The following DOCK1 variants were observed in gnomAD, a reference collection of about 807,000 sequenced individuals.
The protein encoded by DOCK1 is dedicator of cytokinesis 1.
In DOCK1, 138 loss-of-function variants were observed where a neutral mutation model predicts 262.7. The observed-to-expected ratio is 0.53, with a 90% CI of 0.46 to 0.61. DOCK1 has a LOEUF of 0.61. DOCK1 is among the 20% of genes least tolerant of loss of function. The pLI is 0.00. For missense variants in DOCK1, 1,908 were observed against 2,370.7 expected, an observed-to-expected ratio of 0.80 and a Z score of 4.05; for synonymous variants, 866 against 867.4, an observed-to-expected ratio of 1.00 and a Z score of 0.03.
intron 33 of DOCK1, among the ~76,000 whole-genome samples, chr10:127,364,287 A>C (rs1022087494): frequency 1.3e-5 from 2 of 151,708 alleles, no homozygotes; most frequent in Non-Finnish European, 2.9e-5. Context: ...GTGCTTGAAA[A>C]CCCATTGCAG....
At chr10:127,150,806 G>C (rs936491642) in intron 27 of DOCK1, among the ~76,000 whole-genome samples, 2 of 152,216 alleles carry the variant, frequency 1.3e-5, no homozygotes, top group Admixed American at 1.3e-4. Context: ...GGATTCAGAA[G>C]GATTCTGATC....
At chr10:127,172,274 A>T (rs1409049440) in intron 27 of DOCK1, among the ~76,000 whole-genome samples, 1 of 152,104 alleles carries the variant, frequency 6.6e-6, no homozygotes, top group Non-Finnish European at 1.5e-5. Context: ...TTAGGATTTC[A>T]TGAGATTGAA....
chr10:127,273,435 T>C (rs913419171), intron 29 of DOCK1, among the ~76,000 whole-genome samples: 2 of 152,210 alleles, frequency 1.3e-5, no homozygotes, highest in Non-Finnish European at 2.9e-5. Context: ...CCAAGCTGGC[T>C]CCTTGCAGCT....
chr10:127,440,696 A>C (rs1297903410), intron 49 of DOCK1, among the ~76,000 whole-genome samples: 1 of 152,248 alleles, frequency 6.6e-6, no homozygotes, highest in Non-Finnish European at 1.5e-5. Context: ...GGTGGAAGGC[A>C]AACGCCCCAG....
intron 27 of DOCK1, among the ~76,000 whole-genome samples, chr10:127,204,816 G>A (rs888476922): frequency 1.3e-5 from 2 of 152,154 alleles, no homozygotes; most frequent in African/African-American, 4.8e-5. Context: ...TTGAGAGGCC[G>A]TGATAGCCGA....
At chr10:127,338,961 C>A in intron 29 of DOCK1, 45 bp from the exon 30 acceptor site, 1 of 1,501,662 alleles carries the variant, frequency 6.7e-7, no homozygotes, top group South Asian at 1.2e-5. Flanking sequence ...ACCGAAGTGC[C>A]AGAGCGTAAG....
intron 23 of DOCK1, among the ~76,000 whole-genome samples, chr10:127,102,681 A>C (rs2048318608): frequency 6.6e-6 from 1 of 152,142 alleles, no homozygotes. Context: ...CTCTACTAAA[A>C]ATACAAAAAT....
In DOCK1 at chr10:127,026,363, C is replaced by T. The variant is rs376410779; in HGVS notation, c.1563C>T (p.Pro521=). The change falls in exon 16 of 52, where the codon CCC becomes CCT. Residue 521 remains proline (P), a synonymous_variant. Transcript: ENST00000623213. ...RWFETVKVAI[P]IEDVNRSHLR... is the part of the protein sequence containing the mutation. ...TTCAATTCTTGAAGGTGGCCATTCC[C>T]ATCGAGGACGTTAACCGCAGTCACC... is the stretch of plus-strand genomic sequence containing the variant. 8.0e-5 allele frequency: 125 copies of T among 1,568,660 alleles called. 1 individual carries two copies. The South Asian group carries it at 8.8e-4, about 11-fold the overall frequency.
chr10:126,973,089 G>A (rs1565019418), intron 2 of DOCK1, among the ~76,000 whole-genome samples: 1 of 151,848 alleles, frequency 6.6e-6, no homozygotes, highest in Admixed American at 6.6e-5. Context: ...TTTTGCTGCC[G>A]GTCAGTTGAA....
chr10:127,266,463 A>C (rs1192862121), intron 29 of DOCK1, among the ~76,000 whole-genome samples: 1 of 145,092 alleles, frequency 6.9e-6, no homozygotes, highest in African/African-American at 2.6e-5. Context: ...AGCAAAACAC[A>C]ACTAGCTAAG....
chr10:126,939,273 C>T (rs960404619), intron 1 of DOCK1, among the ~76,000 whole-genome samples: 112 of 152,264 alleles, frequency 7.4e-4, no homozygotes, highest in African/African-American at 2.3e-3. Flanking sequence ...CCATTTAAAA[C>T]GATGACATTG....
chr10:127,236,500 G>GTTTTTTTTTT (rs771387854), intron 27 of DOCK1, among the ~76,000 whole-genome samples: 2 of 66,786 alleles, frequency 3.0e-5, no homozygotes, highest in Admixed American at 2.4e-4. Context: ...CTTGACACGG[G>GTTTTTTTTTT]TTTTTTTTTT....
chr10:127,216,948 T>A (rs2058241386), intron 27 of DOCK1, among the ~76,000 whole-genome samples: 1 of 152,164 alleles, frequency 6.6e-6, no homozygotes, highest in Non-Finnish European at 1.5e-5. Context: ...TCATTTCCAT[T>A]TGGTTGAAAT....
intron 27 of DOCK1, chr10:127,153,814 C>G: frequency 6.8e-7 from 1 of 1,474,372 alleles, no homozygotes; most frequent in Non-Finnish European, 9.5e-7. Flanking sequence ...ATTTGTCACT[C>G]ATAATAAGAA....
chr10:127,128,417 G>C (rs1439218072), intron 27 of DOCK1, among the ~76,000 whole-genome samples: 3 of 146,360 alleles, frequency 2.0e-5, no homozygotes, highest in Non-Finnish European at 4.4e-5. Context: ...TACATGTGCA[G>C]AACATACAGG....
At chr10:127,058,667 C>A (rs189551648) in intron 22 of DOCK1, among the ~76,000 whole-genome samples, 1 of 150,462 alleles carries the variant, frequency 6.6e-6, no homozygotes, top group East Asian at 1.9e-4. Flanking sequence ...TTTGAATATT[C>A]TTTTACTATT....
chr10:126,949,143 C>T (rs1032337700), intron 1 of DOCK1, among the ~76,000 whole-genome samples: 8 of 152,076 alleles, frequency 5.3e-5, no homozygotes, highest in Non-Finnish European at 4.4e-5. Flanking sequence ...CTGGGTTCCC[C>T]TCTGCACTTG....
At chr10:127,300,819 C>A (rs1302376320) in intron 29 of DOCK1, among the ~76,000 whole-genome samples, 1 of 151,932 alleles carries the variant, frequency 6.6e-6, no homozygotes, top group Non-Finnish European at 1.5e-5. Context: ...TTTGCTTTGC[C>A]TCTGTGGCTC....
Position 127,280,200 on chromosome 10 carries a change from A to G in DOCK1, c.3044+22771A>G, listed in dbSNP as rs377309645. On this transcript the variant is annotated intron_variant, in intron 29 of 51. Coordinates refer to ENST00000623213, the MANE Select transcript of DOCK1 (RefSeq NM_001290223.2). Reference sequence around the variant, plus strand: ...CAGGCACCCGCCACCGCACCCGGCTAATTTTTTGTATTTTTAGTAGAGACG... The same window carrying G: ...CAGGCACCCGCCACCGCACCCGGCTGATTTTTTGTATTTTTAGTAGAGACG... Among the ~76,000 whole-genome samples the G allele has an allele frequency of 5.4e-3, 813 of 151,028 alleles. 6 individuals carry two copies. Among genetic ancestry groups the G allele is most frequent in the South Asian group, 0.022 (103 of 4,760 alleles).
Sources: allele counts gnomAD v4.1 joint callset (sites outside exome capture counted in the v4.1 genomes callset), GRCh38; gene constraint gnomAD v4.1.1; transcripts MANE v1.5; gene names NCBI Gene and HGNC (gene_info 2026-07-23, HGNC 2026-07-21).